The following RXFP1 variants were observed in gnomAD, a reference collection of about 807,000 sequenced individuals.
RXFP1 encodes relaxin receptor 1.
Under a neutral mutation model 89.8 loss-of-function variants are expected in RXFP1, and 73 were observed. That is an observed-to-expected ratio of 0.81 (90% CI 0.67 to 0.99). The LOEUF is 0.99. RXFP1 is among the 50% of genes least tolerant of loss of function. The pLI is 0.00. For synonymous variants in RXFP1, 277 were observed against 305.5 expected, an observed-to-expected ratio of 0.91 and a Z score of 0.97; for missense variants, 793 against 895.5, an observed-to-expected ratio of 0.89 and a Z score of 1.46.
intron 1 of RXFP1, among the ~76,000 whole-genome samples, chr4:158,565,871 A>G (rs1164567135): frequency 6.6e-6 from 1 of 152,226 alleles, no homozygotes; most frequent in African/African-American, 2.4e-5. Flanking sequence ...GGAAAAAATT[A>G]ATATCTTGTA....
chr4:158,599,244 G>A, intron 3 of RXFP1, 82 bp from the exon 4 acceptor site: 1 of 1,592,950 alleles, frequency 6.3e-7, no homozygotes, highest in East Asian at 2.3e-5. Flanking sequence ...TTTTCTCATA[G>A]CTTTTCATTT....
intron 2 of RXFP1, among the ~76,000 whole-genome samples, chr4:158,579,815 G>A (rs986232476): frequency 6.6e-6 from 1 of 152,208 alleles, no homozygotes; most frequent in African/African-American, 2.4e-5. Context: ...TCCTAAAGAT[G>A]ATTTTGCTTC....
At chr4:158,630,215 T>G (rs1767764725) in intron 11 of RXFP1, among the ~76,000 whole-genome samples, 1 of 152,062 alleles carries the variant, frequency 6.6e-6, no homozygotes, top group Admixed American at 6.6e-5. Context: ...AACCCAACAT[T>G]TTATCTGTAG....
Position 158,599,330 on chromosome 4 carries a change from C to G in RXFP1, c.291C>G (p.Val97=). 6.2e-7 allele frequency: 1 copy of G among 1,613,730 alleles called. No homozygotes were observed. Residue 97 remains valine (V), a synonymous_variant, in exon 4 of 18, where the codon GTC becomes GTG. Transcript: ENST00000307765. ...TACCACTTCCCCTTGATTCAGTGGT[C>G]GGTTCTGTGCCAGTGCAATGTCTTT... ...PFEAETPECL[V]GSVPVQCLCQ...
intron 1 of RXFP1, among the ~76,000 whole-genome samples, chr4:158,555,309 A>C (rs567380319): frequency 1.3e-5 from 2 of 152,322 alleles, no homozygotes; most frequent in South Asian, 4.1e-4. Flanking sequence ...GAAACGCTTA[A>C]GGTTTTAGTT....
rs1580342389 is a variant in RXFP1 at position 158,648,573 on chromosome 4, A to G, written c.1831A>G (p.Ile611Val). Residue 611 changes from isoleucine (I) to valine (V), a missense_variant, in exon 17 of 18, where the codon ATA (isoleucine) becomes GTA (valine). Transcript: ENST00000307765. ...SMFYSVHQSAITATEIRNQVK... is the reference protein window; with the variant it reads ...SMFYSVHQSAVTATEIRNQVK... The stretch of plus-strand genomic sequence containing the variant: ...GTTTTATAGTGTTCATCAAAGTGCC[A>G]TAACAGCAACTGAAATACGGAATCA... 6 of 1,613,520 alleles carry G rather than the reference A, an allele frequency of 3.7e-6. No individual in the cohort carries two copies. Among genetic ancestry groups the G allele is most frequent in the South Asian group, 2.2e-5 (2 of 91,028 alleles).
intron 4 of RXFP1, among the ~76,000 whole-genome samples, chr4:158,602,493 TC>T (rs1322308870): frequency 3.3e-5 from 5 of 151,968 alleles, no homozygotes; most frequent in African/African-American, 1.2e-4. Context: ...CTATATATCC[TC>T]CAAAGTTCCT....
chr4:158,562,749 T>TAA lies in RXFP1; in HGVS notation c.50-9947_50-9946dup, dbSNP rs1752765271. ...CACACCCATCCGGGGCAGTTGATCT[T>TAA]AAAGTACACATCCCCTGTGTTCAAG... On this transcript the variant is annotated intron_variant, in intron 1 of 17. Coordinates refer to ENST00000307765, the MANE Select transcript of RXFP1 (RefSeq NM_021634.4). Among the ~76,000 whole-genome samples, 3 of 152,168 alleles carry TAA rather than the reference T, an allele frequency of 2.0e-5. No homozygotes were observed. In the South Asian group the frequency reaches 6.2e-4, roughly 32 times the overall value.
intron 2 of RXFP1, among the ~76,000 whole-genome samples, chr4:158,590,413 G>A (rs1368085849): frequency 6.6e-6 from 1 of 152,162 alleles, no homozygotes; most frequent in African/African-American, 2.4e-5. Context: ...GCCTGCTTCG[G>A]CCTCCCAAAG....
At chr4:158,651,138 A>T (rs1772638278) in intron 17 of RXFP1, among the ~76,000 whole-genome samples, 1 of 152,158 alleles carries the variant, frequency 6.6e-6, no homozygotes, top group South Asian at 2.1e-4. Context: ...ACAAAAACAT[A>T]AAAACAAAGA....
intron 1 of RXFP1, among the ~76,000 whole-genome samples, chr4:158,566,871 T>G (rs1010402964): frequency 1.3e-5 from 2 of 152,216 alleles, no homozygotes; most frequent in African/African-American, 4.8e-5. Flanking sequence ...AGCCCACCGC[T>G]GCACTGTGGG....
intron 11 of RXFP1, among the ~76,000 whole-genome samples, chr4:158,630,594 T>G (rs1456362642): frequency 6.6e-6 from 1 of 152,176 alleles, no homozygotes; most frequent in Admixed American, 6.5e-5. Flanking sequence ...AAGGGCTTAG[T>G]GCATAACCAA....
intron 8 of RXFP1, among the ~76,000 whole-genome samples, chr4:158,616,713 G>C (rs1001454978): frequency 1.3e-5 from 2 of 150,420 alleles, no homozygotes; most frequent in African/African-American, 4.9e-5. Context: ...AAAATTAGAG[G>C]GAAGGCTGGG....
At chr4:158,529,405 C>T (rs1054041126) in intron 1 of RXFP1, among the ~76,000 whole-genome samples, 3 of 151,940 alleles carry the variant, frequency 2.0e-5, no homozygotes, top group Non-Finnish European at 4.4e-5. Flanking sequence ...ACCACAGGTG[C>T]ATGCCACCAC....
intron 1 of RXFP1, among the ~76,000 whole-genome samples, chr4:158,552,512 A>C (rs1056809634): frequency 6.6e-6 from 1 of 152,222 alleles, no homozygotes; most frequent in Non-Finnish European, 1.5e-5. Context: ...GGCATTAAAA[A>C]AAAGAAAAAC....
At chr4:158,522,149 C>G (rs1188894240) in intron 1 of RXFP1, 124 bp downstream of exon 1, 1 of 608,078 alleles carries the variant, frequency 1.6e-6, no homozygotes, top group Admixed American at 3.1e-5. Context: ...AAATTGTAAT[C>G]TCACTTCAGA....
At chr4:158,621,706 A>G (rs1012862792) in intron 9 of RXFP1, among the ~76,000 whole-genome samples, 8 of 152,228 alleles carry the variant, frequency 5.3e-5, no homozygotes, top group Non-Finnish European at 1.2e-4. Flanking sequence ...ATCAATAAAT[A>G]TAAGTAGGCT....
intron 1 of RXFP1, among the ~76,000 whole-genome samples, chr4:158,524,728 G>A (rs1390382747): frequency 6.6e-6 from 1 of 152,170 alleles, no homozygotes; most frequent in Non-Finnish European, 1.5e-5. Context: ...CTTCTTGTAA[G>A]TATATATTTC....
chr4:158,624,818 A>G (rs1259865569), intron 9 of RXFP1, among the ~76,000 whole-genome samples: 1 of 152,074 alleles, frequency 6.6e-6, no homozygotes, highest in South Asian at 2.1e-4. Context: ...TACAAATGTG[A>G]CCCCAAATGT....
Sources: allele counts gnomAD v4.1 joint callset (sites outside exome capture counted in the v4.1 genomes callset), GRCh38; gene constraint gnomAD v4.1.1; transcripts MANE v1.5; gene names NCBI Gene and HGNC (gene_info 2026-07-23, HGNC 2026-07-21).